Variants in OLFM3 observed in about 807,000 individuals in gnomAD.
OLFM3 encodes olfactomedin 3.
In OLFM3, 20 loss-of-function variants were observed where a neutral mutation model predicts 48.6. The observed-to-expected ratio is 0.41, with a 90% confidence interval of 0.29 to 0.60. The LOEUF is 0.60. OLFM3 is among the 20% of genes least tolerant of loss of function. The pLI, the probability that OLFM3 is intolerant of heterozygous loss-of-function variation, is 0.28. For synonymous variants in OLFM3, 222 were observed against 198.1 expected, an observed-to-expected ratio of 1.12 and a Z score of -1.01; for missense variants, 437 against 544.3, an observed-to-expected ratio of 0.80 and a Z score of 1.96.
chr1:101,819,547 G>C (rs185046976), intron 4 of OLFM3, among the ~76,000 whole-genome samples: 1 of 151,996 alleles, frequency 6.6e-6, no homozygotes, highest in Non-Finnish European at 1.5e-5. Flanking sequence ...CAGAAGAGCT[G>C]GTTTTGAGAA....
chr1:101,843,932 G>A (rs984904298), intron 1 of OLFM3, among the ~76,000 whole-genome samples: 8 of 152,074 alleles, frequency 5.3e-5, no homozygotes, highest in East Asian at 3.9e-4. Flanking sequence ...GTGCGTGTGC[G>A]TGTGGTATAT....
intron 1 of OLFM3, among the ~76,000 whole-genome samples, chr1:101,872,114 G>A (rs987170154): frequency 6.6e-6 from 1 of 152,006 alleles, no homozygotes; most frequent in African/African-American, 2.4e-5. Context: ...AGGTAAGAAG[G>A]TTCATGTCCT....
intron 1 of OLFM3, among the ~76,000 whole-genome samples, chr1:101,957,043 A>G (rs555174343): frequency 1.9e-4 from 29 of 152,076 alleles, no homozygotes; most frequent in Admixed American, 1.1e-3. Flanking sequence ...ACTTGATAAT[A>G]TCAAAGGAGA....
chr1:101,841,769 C>G (rs560940357), intron 1 of OLFM3, among the ~76,000 whole-genome samples: 1 of 152,198 alleles, frequency 6.6e-6, no homozygotes, highest in Admixed American at 6.5e-5. Flanking sequence ...TTTGTATTAT[C>G]CTGATTTTCT....
chr1:101,895,445 A>ACACACACACACACACT (rs912307039), intron 1 of OLFM3, among the ~76,000 whole-genome samples: 1 of 145,336 alleles, frequency 6.9e-6, no homozygotes, highest in African/African-American at 2.5e-5. Context: ...ACACACACAC[A>ACACACACACACACACT]CACTCACTCA....
intron 1 of OLFM3, among the ~76,000 whole-genome samples, chr1:101,846,266 TA>T (rs1171847319): frequency 5.9e-5 from 9 of 152,328 alleles, no homozygotes; most frequent in Middle Eastern, 3.4e-3. Context: ...AAGATGTTTT[TA>T]TCAAGTAAGT....
At chr1:101,943,796 A>C (rs1181946430) in intron 1 of OLFM3, among the ~76,000 whole-genome samples, 3 of 152,102 alleles carry the variant, frequency 2.0e-5, no homozygotes, top group African/African-American at 7.2e-5. Context: ...GTGTATTTGC[A>C]CAGGTATATC....
chr1:101,824,643 AAAC>A (rs149607229), intron 4 of OLFM3, among the ~76,000 whole-genome samples: 19,423 of 150,412 alleles, frequency 0.13, 1,479 homozygotes, highest in South Asian at 0.24. Flanking sequence ...CCCACTAACC[AAAC>A]AACAACAACA....
At chr1:101,829,082 G>T (rs1655021236) in intron 3 of OLFM3, among the ~76,000 whole-genome samples, 2 of 152,194 alleles carry the variant, frequency 1.3e-5, no homozygotes, top group Non-Finnish European at 2.9e-5. Flanking sequence ...CTGCCTGTTA[G>T]TTGTCTTTCA....
intron 1 of OLFM3, chr1:101,847,017 C>G (rs114601662): frequency 7.7e-6 from 12 of 1,566,380 alleles, no homozygotes; most frequent in South Asian, 4.7e-5. Flanking sequence ...ATTAAGATCC[C>G]GGTGCCGGGC....
Position 101,972,854 on chromosome 1 carries a change from C to T in OLFM3, c.69+23894G>A, listed in dbSNP as rs189282213. Among the ~76,000 whole-genome samples, 7 of 152,196 alleles carry T rather than the reference C, an allele frequency of 4.6e-5. No homozygotes were observed. In the East Asian group the frequency reaches 1.4e-3, roughly 29 times the overall value. On this transcript the variant is annotated intron_variant, in intron 1 of 5. Coordinates refer to ENST00000370103, the MANE Select transcript of OLFM3 (RefSeq NM_058170.4). ...AATATTGAATATAGACTGCATGTACCACAGAAAGTGGGTTTATAGATCTAT... is the reference window on the plus strand; with the variant it reads ...AATATTGAATATAGACTGCATGTACTACAGAAAGTGGGTTTATAGATCTAT...
intron 1 of OLFM3, among the ~76,000 whole-genome samples, chr1:101,865,376 T>A (rs1656820525): frequency 6.6e-6 from 1 of 152,210 alleles, no homozygotes; most frequent in African/African-American, 2.4e-5. Flanking sequence ...GCCTTTTCAA[T>A]CTTTATAACT....
At chr1:101,882,885 C>T (rs1485699770) in intron 1 of OLFM3, 2 of 151,846 alleles carry the variant, frequency 1.3e-5, no homozygotes, top group African/African-American at 4.8e-5. Context: ...TTTACAGTAA[C>T]AACAGTAAGG....
chr1:101,812,345 T>A, intron 4 of OLFM3: 1 of 818,034 alleles, frequency 1.2e-6, no homozygotes, highest in Non-Finnish European at 1.5e-6. Flanking sequence ...TTTAAAAATA[T>A]ATAAAATTAA....
At chr1:101,844,463 T>A (rs1056493336) in intron 1 of OLFM3, among the ~76,000 whole-genome samples, 5 of 152,178 alleles carry the variant, frequency 3.3e-5, no homozygotes, top group African/African-American at 1.2e-4. Flanking sequence ...AATAGCTTTG[T>A]TGAGTAGGGA....
chr1:101,865,521 A>G (rs1656825513), intron 1 of OLFM3, among the ~76,000 whole-genome samples: 1 of 152,200 alleles, frequency 6.6e-6, no homozygotes, highest in Non-Finnish European at 1.5e-5. Context: ...CAAGTATGTG[A>G]CATTACTCCA....
chr1:101,832,836 G>A (rs1655229103), intron 2 of OLFM3, among the ~76,000 whole-genome samples: 1 of 152,160 alleles, frequency 6.6e-6, no homozygotes, highest in African/African-American at 2.4e-5. Context: ...TATTCCGAAA[G>A]CTTTATTTTT....
chr1:101,950,385 G>T (rs1260661060), intron 1 of OLFM3, among the ~76,000 whole-genome samples: 1 of 151,822 alleles, frequency 6.6e-6, no homozygotes, highest in African/African-American at 2.4e-5. Flanking sequence ...CTTGATGTAG[G>T]TGGATTTCTC....
intron 1 of OLFM3, among the ~76,000 whole-genome samples, chr1:101,878,899 A>C (rs1453212716): frequency 6.6e-6 from 1 of 151,928 alleles, no homozygotes; most frequent in South Asian, 2.1e-4. Context: ...ATCACAGACT[A>C]CAACCAGTAA....
Sources: gnomAD v4.1 joint callset for allele counts (sites outside exome capture counted in the v4.1 genomes callset) on GRCh38, gnomAD v4.1.1 for gene constraint, MANE v1.5 for transcripts, NCBI Gene and HGNC (gene_info 2026-07-23, HGNC 2026-07-21) for gene names.